The following DPP10 variants were observed in gnomAD, a reference collection of about 807,000 sequenced individuals.
The protein encoded by DPP10 is inactive dipeptidyl peptidase 10.
Under a neutral mutation model 120.9 loss-of-function variants are expected in DPP10, and 33 were observed. That is an observed-to-expected ratio of 0.27 (90% confidence interval 0.21 to 0.37). The LOEUF (loss-of-function observed/expected upper bound fraction) is 0.37, where lower values mean the gene tolerates loss of function less well. Among genes scored for constraint, DPP10 ranks in the 10% least tolerant of loss-of-function variants. The pLI, the probability that DPP10 is intolerant of heterozygous loss-of-function variation, is 1.00. For synonymous variants in DPP10, 337 were observed against 326.1 expected, an observed-to-expected ratio of 1.03 and a Z score of -0.36; for missense variants, 816 against 942.8, an observed-to-expected ratio of 0.87 and a Z score of 1.76.
intron 5 of DPP10, among the ~76,000 whole-genome samples, chr2:115,571,639 T>C (rs2081343047): frequency 6.6e-6 from 1 of 151,916 alleles, no homozygotes; most frequent in African/African-American, 2.4e-5. Flanking sequence ...CAAGGACCTA[T>C]CTAAGAGAGT....
intron 3 of DPP10, among the ~76,000 whole-genome samples, chr2:115,404,425 A>C (rs2068352973): frequency 6.6e-6 from 1 of 152,200 alleles, no homozygotes; most frequent in African/African-American, 2.4e-5. Flanking sequence ...CAGGAGATTT[A>C]GGTGGGGACA....
intron 2 of DPP10, 38 bp from the exon 3 acceptor site, chr2:115,343,773 CAAGCAT>C: frequency 2.2e-6 from 3 of 1,382,248 alleles, no homozygotes; most frequent in Non-Finnish European, 3.0e-6. Context: ...TTTTAAAAAA[CAAGCAT>C]AAGATAGGCA....
intron 1 of DPP10, among the ~76,000 whole-genome samples, chr2:115,203,052 C>A (rs901801046): frequency 6.6e-6 from 1 of 152,152 alleles, no homozygotes; most frequent in African/African-American, 2.4e-5. Context: ...ATGGCCAACT[C>A]AAGTTTAGAA....
chr2:115,145,686 C>T (rs956828204), intron 1 of DPP10, among the ~76,000 whole-genome samples: 3 of 152,056 alleles, frequency 2.0e-5, no homozygotes, highest in Non-Finnish European at 4.4e-5. Context: ...ATTGCTGGAT[C>T]ATACGGTAAG....
chr2:114,506,322 C>G (rs1683651329), intron 1 of DPP10, among the ~76,000 whole-genome samples: 1 of 152,210 alleles, frequency 6.6e-6, no homozygotes, highest in Admixed American at 6.5e-5. Flanking sequence ...GGAGAGGAAT[C>G]CGGCCGTTCC....
chr2:115,493,570 C>G (rs2076237829), intron 3 of DPP10, among the ~76,000 whole-genome samples: 1 of 149,136 alleles, frequency 6.7e-6, no homozygotes, highest in Admixed American at 6.7e-5. Context: ...GTTTAGATAG[C>G]AATTGAGAGG....
rs559230031 is a variant in DPP10, at chr2:115,122,113, G to C, written c.61-187126G>C. Among the ~76,000 whole-genome samples the C allele has an allele frequency of 2.0e-5, 3 of 152,340 alleles. 1 individual carries two copies. In the Middle Eastern group the frequency reaches 0.01, roughly 522 times the overall value. ...TTTCCTGCACTTATGGCAGACTGGA[G>C]TGAACAGAGTGTTCCCCATTCATCC... On this transcript the variant is annotated intron_variant, in intron 1 of 25. Transcript: ENST00000410059.
rs966245445 is a variant in DPP10 at position 115,134,995 on chromosome 2, A to C, written c.61-174244A>C. ...AACACAAGCAATGGCATATGGCACT[A>C]ATTTGTGAAATTACACTTTAATTTC... On this transcript the variant is annotated intron_variant, in intron 1 of 25. Transcript: ENST00000410059. 3.3e-5 allele frequency among the ~76,000 whole-genome samples: 5 copies of C among 152,180 alleles called. 1 individual carries two copies. The South Asian group carries it at 1.0e-3, about 31-fold the overall frequency.
At chr2:114,645,302 C>T (rs1304082655) in intron 1 of DPP10, among the ~76,000 whole-genome samples, 1 of 152,064 alleles carries the variant, frequency 6.6e-6, no homozygotes. Flanking sequence ...TATCTTGTGT[C>T]CTAAGTTGGG....
intron 1 of DPP10, among the ~76,000 whole-genome samples, chr2:114,553,285 T>C (rs1688033942): frequency 6.6e-6 from 1 of 152,192 alleles, no homozygotes; most frequent in South Asian, 2.1e-4. Context: ...CTGTTCATTT[T>C]CCCCCTGCTG....
chr2:115,651,808 T>G (rs115782859), intron 5 of DPP10, among the ~76,000 whole-genome samples: 3,029 of 152,190 alleles, frequency 0.02, 86 homozygotes, highest in African/African-American at 0.064. Flanking sequence ...GGACAGCCTT[T>G]GTAAGTTTTG....
Position 114,619,381 on chromosome 2 carries a change from A to ATGTGTG in DPP10, c.60+176569_60+176574dup, listed in dbSNP as rs71998520. Among the ~76,000 whole-genome samples the ATGTGTG allele has an allele frequency of 2.2e-3, 321 of 146,360 alleles. 3 individuals carry two copies. The highest frequency in any genetic ancestry group is 7.2e-3 in the African/African-American group (291 of 40,248). ...TATATGTGTGTGTATATATATACAT[A>ATGTGTG]TGTGTGTGTGTGTGTGTGTGTGTGT... is the stretch of plus-strand genomic sequence containing the variant. On this transcript the variant is annotated intron_variant, in intron 1 of 25. Coordinates refer to ENST00000410059, the MANE Select transcript of DPP10 (RefSeq NM_020868.6).
In DPP10 at chr2:115,751,246, A is replaced by T. The variant is rs561022369; in HGVS notation, c.951-1928A>T. Among the ~76,000 whole-genome samples the T allele has an allele frequency of 3.9e-5, 6 of 152,302 alleles. No homozygotes were observed. The East Asian group carries it at 9.7e-4, about 25-fold the overall frequency. On this transcript the variant is annotated intron_variant, in intron 10 of 25. Transcript: ENST00000410059. ...TAAATTCTCTAGAAAAATCTATTAA[A>T]GGTTAATACTTCATTTTCTACTTTT...
chr2:115,442,216 A>G (rs1202943460), intron 3 of DPP10, among the ~76,000 whole-genome samples: 1 of 152,026 alleles, frequency 6.6e-6, no homozygotes, highest in African/African-American at 2.4e-5. Context: ...CTCAGTTTTA[A>G]CCAATTAGTT....
At chr2:115,684,503 AG>A (rs1195999270) in intron 5 of DPP10, among the ~76,000 whole-genome samples, 1 of 151,884 alleles carries the variant, frequency 6.6e-6, no homozygotes, top group African/African-American at 2.4e-5. Context: ...CTGTTGACAC[AG>A]TAGCTTGCTT....
At chr2:115,401,859 T>C (rs2068095230) in intron 3 of DPP10, among the ~76,000 whole-genome samples, 1 of 151,758 alleles carries the variant, frequency 6.6e-6, no homozygotes, top group African/African-American at 2.4e-5. Context: ...AGTCAATAGA[T>C]ATTGACACTA....
chr2:115,258,248 A>C (rs2059094479), intron 1 of DPP10, among the ~76,000 whole-genome samples: 1 of 152,224 alleles, frequency 6.6e-6, no homozygotes, highest in Non-Finnish European at 1.5e-5. Flanking sequence ...GCAGGTCAGC[A>C]GTGAAGATGC....
intron 1 of DPP10, among the ~76,000 whole-genome samples, chr2:114,613,189 A>G (rs1693414350): frequency 6.6e-6 from 1 of 152,194 alleles, no homozygotes; most frequent in African/African-American, 2.4e-5. Context: ...TAAGCATCCA[A>G]TCTATTCTAT....
At chr2:115,637,824 GT>G (rs2086471839) in intron 5 of DPP10, among the ~76,000 whole-genome samples, 1 of 152,210 alleles carries the variant, frequency 6.6e-6, no homozygotes, top group Non-Finnish European at 1.5e-5. Flanking sequence ...AACTAAACTT[GT>G]GTGAAGAAAA....
Sources: gnomAD v4.1 joint callset for allele counts (sites outside exome capture counted in the v4.1 genomes callset) on GRCh38, gnomAD v4.1.1 for gene constraint, MANE v1.5 for transcripts, NCBI Gene and HGNC (gene_info 2026-07-23, HGNC 2026-07-21) for gene names.